Variants in TASL observed in about 807,000 individuals in gnomAD.
TASL encodes TLR adaptor interacting with endolysosomal SLC15A4.
A neutral mutation model predicts 12.9 loss-of-function variants in TASL; 6 were observed. The observed-to-expected ratio is 0.46, with a 90% CI of 0.25 to 0.92. The LOEUF (loss-of-function observed/expected upper bound fraction) is 0.92. Among genes scored for constraint, TASL ranks in the 40% least tolerant of loss-of-function variants. The pLI is 0.17. For missense variants in TASL, 165 were observed against 212.8 expected, an observed-to-expected ratio of 0.78 and a Z score of 1.40; for synonymous variants, 85 against 79.3, an observed-to-expected ratio of 1.07 and a Z score of -0.38.
At chrX:30,571,258 G>GAGAAACAAAGAAAGAAAGAAAGAAAGAA (rs1569306040) in intron 2 of TASL, among the ~76,000 whole-genome samples, 2 of 11,888 alleles carry the variant, frequency 1.7e-4, no homozygotes, top group Admixed American at 1.2e-3. Flanking sequence ...GAAAGAAAGA[G>GAGAAACAAAGAAAGAAAGAAAGAAAGAA]AAAGAAAGAA....
chrX:30,562,164 A>G (rs183074236), intron 2 of TASL, among the ~76,000 whole-genome samples: 1,841 of 112,108 alleles, frequency 0.016, 19 homozygotes, highest in Non-Finnish European at 0.026. Flanking sequence ...GGCAGAAATA[A>G]TCGTTTGGGA....
Position 30,559,457 on chromosome X carries a change from T to C in TASL, c.899A>G (p.Asn300Ser), listed in dbSNP as rs749530592. The change falls in exon 3 of 3, where the codon AAT (asparagine) becomes AGT (serine). Residue 300 changes from asparagine to serine, a missense_variant. Coordinates refer to ENST00000378962, the MANE Select transcript of TASL (RefSeq NM_025159.3). ...SLHISQYSNV[N>S]P ...GTAATGGAAGCATCCTCTCTATGGA[T>C]TTACATTGCTATACTGAGAAATATG... is the stretch of plus-strand genomic sequence containing the variant. The C allele has an allele frequency of 7.0e-5, 82 of 1,165,709 alleles. No homozygotes were observed. The East Asian group carries it at 2.3e-3, about 33-fold the overall frequency.
At chrX:30,575,678 C>T (rs1930694264) in intron 2 of TASL, among the ~76,000 whole-genome samples, 2 of 110,796 alleles carry the variant, frequency 1.8e-5, no homozygotes, top group South Asian at 7.4e-4. Context: ...AATCAAAAGC[C>T]CTCTCTTCTT....
At chrX:30,571,296 AAGAAAG>A (rs1930615239) in intron 2 of TASL, among the ~76,000 whole-genome samples, 2 of 90,617 alleles carry the variant, frequency 2.2e-5, no homozygotes, top group African/African-American at 4.0e-5. Flanking sequence ...GAAAGAAAGA[AAGAAAG>A]AAAGAAAGAA....
rs1032029279 is a variant in TASL, at chrX:30,577,713, C to G, written c.-192G>C. 8.9e-5 allele frequency: 10 copies of G among 112,452 alleles called. No individual in the cohort carries two copies. The highest frequency in any genetic ancestry group is 2.9e-4 in the African/African-American group (9 of 30,870). 9.3% of individuals were successfully genotyped at this position (112,452 alleles called of 1,213,427 possible). ...CAAACAGAGAGATGAACAAGCCAGC[C>G]AATGCTCTTTCCAGAAATTTTCACA... On this transcript the variant is annotated 5_prime_UTR_variant, in exon 1 of 3. Coordinates refer to ENST00000378962, the MANE Select transcript of TASL (RefSeq NM_025159.3).
In TASL at chrX:30,566,633, A is replaced by G. The variant is rs368596484; in HGVS notation, c.-1-6277T>C. On this transcript the variant is annotated intron_variant, in intron 2 of 2. Coordinates refer to ENST00000378962, the MANE Select transcript of TASL (RefSeq NM_025159.3). ...TTTGTTTCATTATTTTGAAACAAAGATGATATAGAATTTCTTTTAAAGTTT... is the reference window on the plus strand; with the variant it reads ...TTTGTTTCATTATTTTGAAACAAAGGTGATATAGAATTTCTTTTAAAGTTT... Among the ~76,000 whole-genome samples, 23 of 112,522 alleles carry G rather than the reference A, an allele frequency of 2.0e-4. No homozygotes were observed. In the East Asian group the frequency reaches 3.3e-3, roughly 16 times the overall value.
chrX:30,562,549 C>A (rs1191177182), intron 2 of TASL, among the ~76,000 whole-genome samples: 1 of 111,243 alleles, frequency 9.0e-6, no homozygotes, highest in Non-Finnish European at 1.9e-5. Flanking sequence ...AAACCAGGGA[C>A]CAGATGAATG....
intron 2 of TASL, among the ~76,000 whole-genome samples, chrX:30,567,928 AAAGAT>A (rs1417515259): frequency 6.2e-5 from 7 of 112,308 alleles, no homozygotes; most frequent in African/African-American, 1.9e-4. Context: ...AATAAAAACT[AAAGAT>A]AAATATTTTA....
At chrX:30,560,733 T>C (rs906576074) in intron 2 of TASL, among the ~76,000 whole-genome samples, 1 of 110,227 alleles carries the variant, frequency 9.1e-6, no homozygotes, top group Admixed American at 9.8e-5. Flanking sequence ...GAAGGTGATA[T>C]TTCAGCTGAA....
chrX:30,576,189 T>C (rs752619679), intron 2 of TASL, among the ~76,000 whole-genome samples: 121 of 112,185 alleles, frequency 1.1e-3, no homozygotes, highest in African/African-American at 3.8e-3. Context: ...TGAATGTGTA[T>C]CACATCTTAG....
In TASL at chrX:30,574,415, G is replaced by C. The variant is rs189088505; in HGVS notation, c.-2+2337C>G. Reference sequence around the variant, plus strand: ...TTTGGAAAGAAGGAAAAATTGACACGAGCAAAAGGAAAAAACAAGATTGAG... The same window carrying C: ...TTTGGAAAGAAGGAAAAATTGACACCAGCAAAAGGAAAAAACAAGATTGAG... On this transcript the variant is annotated intron_variant, in intron 2 of 2. Coordinates refer to ENST00000378962, the MANE Select transcript of TASL (RefSeq NM_025159.3). Among the ~76,000 whole-genome samples, 862 of 111,909 alleles carry C rather than the reference G, an allele frequency of 7.7e-3. 4 individuals are homozygous for C. The highest frequency in any genetic ancestry group is 0.013 in the Non-Finnish European group (685 of 53,176).
At chrX:30,568,962 G>A (rs1930544669) in intron 2 of TASL, among the ~76,000 whole-genome samples, 2 of 70,865 alleles carry the variant, frequency 2.8e-5, no homozygotes, top group Admixed American at 1.8e-4. Context: ...GGATAGACAC[G>A]TCCCCAGCAA....
At chrX:30,568,467 G>C (rs924851151) in intron 2 of TASL, among the ~76,000 whole-genome samples, 1 of 110,932 alleles carries the variant, frequency 9.0e-6, no homozygotes, top group Non-Finnish European at 1.9e-5. Context: ...AAAGTGAAGA[G>C]GTTTGTGTTG....
At position 30,560,030 on chromosome X, in the gene TASL, T is replaced by C. The variant is rs770082070; in HGVS notation, c.326A>G (p.Glu109Gly). Residue 109 changes from glutamate (E) to glycine (G), a missense_variant, in exon 3 of 3, where the codon GAG becomes GGG. Coordinates refer to ENST00000378962, the MANE Select transcript of TASL (RefSeq NM_025159.3). The stretch of plus-strand genomic sequence containing the variant: ...GCAAGAAGATGGAACCAAGTAGGTC[T>C]CTCTGCTGGCATCTCTACATATTTC... ...AVEICRDASR[E>G]TYLVPSSCKS... 4 of 1,211,351 alleles carry C rather than the reference T, an allele frequency of 3.3e-6. No individual in the cohort carries two copies. In the African/African-American group the frequency reaches 6.9e-5, roughly 21 times the overall value.
At chrX:30,576,583 T>C (rs146605593) in intron 2 of TASL, among the ~76,000 whole-genome samples, 169 bp downstream of exon 2, 1,557 of 111,626 alleles carry the variant, frequency 0.014, 29 homozygotes, top group African/African-American at 0.048. Context: ...AAACCATATT[T>C]AGTTAATGAA....
chrX:30,572,011 T>C (rs1403803468), intron 2 of TASL, among the ~76,000 whole-genome samples: 1 of 110,793 alleles, frequency 9.0e-6, no homozygotes, highest in African/African-American at 3.3e-5. Context: ...TATGTAAAGC[T>C]ATATATATTA....
chrX:30,564,173 A>T (rs1176818181), intron 2 of TASL, among the ~76,000 whole-genome samples: 1 of 112,094 alleles, frequency 8.9e-6, no homozygotes, highest in Non-Finnish European at 1.9e-5. Flanking sequence ...GTTAGAAATT[A>T]AAAATGATAA....
At chrX:30,571,268 AAGAAAGAAAGAAAGAAAGAAAGAAAG>A (rs1930603877) in intron 2 of TASL, among the ~76,000 whole-genome samples, 2 of 39,270 alleles carry the variant, frequency 5.1e-5, no homozygotes, top group African/African-American at 1.4e-4. Flanking sequence ...GAAAGAAAGA[AAGAAAGAAAGAAAGAAAGAAAGAAAG>A]AAAGAAAGAA....
intron 2 of TASL, among the ~76,000 whole-genome samples, chrX:30,573,309 T>C (rs1422392059): frequency 8.9e-6 from 1 of 112,059 alleles, no homozygotes; most frequent in African/African-American, 3.2e-5. Flanking sequence ...TAACACGCAA[T>C]TAGTCCTTCC....
Sources: gnomAD v4.1 joint callset for allele counts (sites outside exome capture counted in the v4.1 genomes callset) on GRCh38, gnomAD v4.1.1 for gene constraint, MANE v1.5 for transcripts, NCBI Gene and HGNC (gene_info 2026-07-23, HGNC 2026-07-21) for gene names.